The following KCNA4 variants were observed in gnomAD, a reference collection of about 807,000 sequenced individuals.
KCNA4 encodes cardiac potassium channel.
A neutral mutation model predicts 37.2 loss-of-function variants in KCNA4; 5 were observed. The ratio of observed to expected loss-of-function variants is 0.13; its 90% confidence interval spans 0.07 to 0.28. The LOEUF (loss-of-function observed/expected upper bound fraction) is 0.28. KCNA4 is among the 10% of genes least tolerant of loss of function. The probability of loss-of-function intolerance (pLI) is 1.00; values close to 1 mark genes in which losing one functional copy is unlikely to be tolerated. For synonymous variants in KCNA4, 350 were observed against 311.8 expected (o/e 1.12, Z -1.29); for missense variants, 634 against 817.4 (o/e 0.78, Z 2.74).
chr11:30,014,559 A>G (rs1395667539), intron 1 of KCNA4, among the ~76,000 whole-genome samples: 1 of 150,064 alleles, frequency 6.7e-6, no homozygotes, highest in East Asian at 2.0e-4. Context: ...CATCCCTAAC[A>G]TCCCCCCTCC....
rs779602554 is a variant in KCNA4 at position 30,011,660 on chromosome 11, A to G, written c.1019T>C (p.Met340Thr). 3.7e-6 allele frequency: 6 copies of G among 1,614,166 alleles called. No individual in the cohort carries two copies. In the Admixed American group the frequency reaches 6.7e-5, roughly 18 times the overall value. The change falls in exon 2 of 2, where the codon ATG (methionine) becomes ACG (threonine). Residue 340 changes from methionine to threonine, a missense_variant. Around this residue, in one of 8 missense-constraint regions of KCNA4, gnomAD observed 252 missense variants for 344.2 expected, o/e 0.73. Transcript: ENST00000328224. The surrounding 1 kb of genome is among the most constrained non-coding windows in gnomAD (Gnocchi z 5.6). ...ACCATGCCCGCCAGCACTCAGTGCC[A>G]TGACGAGATCCCTGTCGTCCCTAAA... ...PEFRDDRDLV[M>T]ALSAGGHGGL...
Position 30,012,680 on chromosome 11 carries a change from G to T in KCNA4, c.-2C>A, listed in dbSNP as rs187120792. On this transcript the variant is annotated 5_prime_UTR_variant, in exon 2 of 2. Transcript: ENST00000328224. ...CGCACTCACCATTGCAACCTCCATG[G>T]TGGTGGTTTTCGGAAATGGCTGGTT... 1.6e-5 allele frequency: 24 copies of T among 1,527,966 alleles called. No individual in the cohort carries two copies. In the African/African-American group the frequency reaches 3.3e-4, roughly 21 times the overall value. The allele number at this position is 1,527,966 out of a possible 1,614,324, so 94.7% of individuals were successfully genotyped here.
rs1054031682 is a variant in KCNA4 at position 30,013,011 on chromosome 11, G to A, written c.-333C>T. 2.6e-5 allele frequency: 6 copies of A among 227,778 alleles called. No individual in the cohort carries two copies. Among genetic ancestry groups the A allele is most frequent in the Admixed American group, 5.8e-5 (1 of 17,332 alleles). The allele number at this position is 227,778 out of a possible 1,614,324, so 14.1% of individuals were successfully genotyped here. On this transcript the variant is annotated 5_prime_UTR_variant, in exon 2 of 2. Transcript: ENST00000328224. ...ATGTTGAAATTTGGAAATATGTCTG[G>A]GATGTGGTTAGTGATGTTGCTGCAA...
intron 1 of KCNA4, among the ~76,000 whole-genome samples, chr11:30,013,966 T>A (rs1419180792): frequency 6.6e-6 from 1 of 152,218 alleles, no homozygotes; most frequent in Non-Finnish European, 1.5e-5. Flanking sequence ...TTCTTATTCT[T>A]TGTGCAGACA....
chr11:30,014,209 A>G (rs1486298826), intron 1 of KCNA4, among the ~76,000 whole-genome samples: 3 of 152,196 alleles, frequency 2.0e-5, no homozygotes, highest in Non-Finnish European at 4.4e-5. Flanking sequence ...TTAGGCCACA[A>G]ACTAAAGTAG....
Position 30,012,643 on chromosome 11 carries a change from C to A in KCNA4, c.36G>T (p.Gly12=), listed in dbSNP as rs1406770732. 1.9e-6 allele frequency: 3 copies of A among 1,587,456 alleles called. No homozygotes were observed. Among genetic ancestry groups the A allele is most frequent in the South Asian group, 2.2e-5 (2 of 88,998 alleles). The change falls in exon 2 of 2, where the codon GGG becomes GGT. Residue 12 remains glycine, a synonymous_variant. Coordinates refer to ENST00000328224, the MANE Select transcript of KCNA4 (RefSeq NM_002233.4). The part of the protein sequence containing the change: ...EVAMVSAESS[G]CNSHMPYGYA... Reference sequence around the variant, plus strand: ...AACCATAAGGCATGTGACTGTTGCACCCTGAGCTCTCCGCACTCACCATTG... The same window carrying A: ...AACCATAAGGCATGTGACTGTTGCAACCTGAGCTCTCCGCACTCACCATTG...
At chr11:30,015,866 T>C (rs1029789425) in intron 1 of KCNA4, among the ~76,000 whole-genome samples, 16 of 152,080 alleles carry the variant, frequency 1.1e-4, no homozygotes, top group Non-Finnish European at 1.9e-4. Context: ...AGACTACCTA[T>C]TCCCCAATCC....
Position 30,012,670 on chromosome 11 carries a change from A to C in KCNA4, c.9T>G (p.Val3=). 6.5e-7 allele frequency: 1 copy of C among 1,545,484 alleles called. No homozygotes were observed. Among genetic ancestry groups the C allele is most frequent in the Non-Finnish European group, 8.7e-7 (1 of 1,144,056 alleles). Residue 3 remains valine (V), a synonymous_variant, in exon 2 of 2, where the codon GTT becomes GTG. Coordinates refer to ENST00000328224, the MANE Select transcript of KCNA4 (RefSeq NM_002233.4). ME[V]AMVSAESSGC... ...CTGAGCTCTCCGCACTCACCATTGCAACCTCCATGGTGGTGGTTTTCGGAA... is the reference window on the plus strand; with the variant it reads ...CTGAGCTCTCCGCACTCACCATTGCCACCTCCATGGTGGTGGTTTTCGGAA...
At position 30,012,159 on chromosome 11, in the gene KCNA4, AGTCACT is replaced by A; in HGVS notation, c.514_519del (p.Ser172_Asp173del). The A allele has an allele frequency of 6.2e-7, 1 of 1,614,234 alleles. No individual in the cohort carries two copies. Among genetic ancestry groups the A allele is most frequent in the Non-Finnish European group, 8.5e-7 (1 of 1,180,042 alleles). ...ACATTTATCACCACACGTTCACAAC[AGTCACT>A]GTAGCGGACTGAACTGTAGCCGCCA... On this transcript the variant is annotated inframe_deletion, in exon 2 of 2. Transcript: ENST00000328224.
chr11:30,011,651 C>G lies in KCNA4; in HGVS notation c.1028G>C (p.Ser343Thr). The G allele has an allele frequency of 6.2e-7, 1 of 1,614,108 alleles. No individual in the cohort carries two copies. The highest frequency in any genetic ancestry group is 1.6e-4 in the Middle Eastern group (1 of 6,062). ...CAACAACCCACCATGCCCGCCAGCA[C>G]TCAGTGCCATGACGAGATCCCTGTC... ...RDDRDLVMAL[S>T]AGGHGGLLND... Residue 343 changes from serine (S) to threonine (T), a missense_variant, in exon 2 of 2, where the codon AGT becomes ACT. This residue lies in a region of KCNA4 where 252 missense variants were observed against 344.2 expected (regional missense o/e 0.73). Coordinates refer to ENST00000328224, the MANE Select transcript of KCNA4 (RefSeq NM_002233.4). The surrounding 1 kb of genome is among the most constrained non-coding windows in gnomAD (Gnocchi z 5.6).
At chr11:30,015,692 T>C (rs1183464455) in intron 1 of KCNA4, among the ~76,000 whole-genome samples, 5 of 151,982 alleles carry the variant, frequency 3.3e-5, no homozygotes, top group Non-Finnish European at 7.4e-5. Context: ...AAAAGAAAAA[T>C]CATTCCTCCC....
intron 1 of KCNA4, among the ~76,000 whole-genome samples, chr11:30,016,121 A>C (rs1482189955): frequency 1.3e-5 from 2 of 152,086 alleles, no homozygotes; most frequent in Non-Finnish European, 2.9e-5. Context: ...TGTTGCTCAA[A>C]TGCTCGGAAA....
chr11:30,012,492 G>T lies in KCNA4; in HGVS notation c.187C>A (p.His63Asn). Reference sequence around the variant, plus strand: ...CAGGCCCCGCGTGACTGGTGGTGGTGGTGGGAGCCCCCACCAGAACCCCCG... The same window carrying T: ...CAGGCCCCGCGTGACTGGTGGTGGTTGTGGGAGCCCCCACCAGAACCCCCG... ...GSGGSGGGSH[H>N]HHQSRGACTS... Residue 63 changes from histidine (H) to asparagine (N), a missense_variant, in exon 2 of 2, where the codon CAC (histidine) becomes AAC (asparagine). His to Asn is a moderately conservative substitution (Grantham distance 68). Coordinates refer to ENST00000328224, the MANE Select transcript of KCNA4 (RefSeq NM_002233.4). 1 of 1,610,654 alleles carries T rather than the reference G, an allele frequency of 6.2e-7. No individual in the cohort carries two copies.
At position 30,010,208 on chromosome 11, in the gene KCNA4, C is replaced by CT. The variant is rs1564935328; in HGVS notation, c.*508dup. The CT allele has an allele frequency of 6.5e-6, 1 of 152,746 alleles. No individual in the cohort carries two copies. The highest frequency in any genetic ancestry group is 1.5e-5 in the Non-Finnish European group (1 of 68,314). 9.5% of individuals were successfully genotyped at this position (152,746 alleles called of 1,614,324 possible). ...TATAGTCTATTAAATAATTTACTTT[C>CT]TTTTTTCTCTACACAGTATTTCTTA... On this transcript the variant is annotated 3_prime_UTR_variant, in exon 2 of 2. Transcript: ENST00000328224.
At position 30,011,659 on chromosome 11, in the gene KCNA4, C is replaced by A; in HGVS notation, c.1020G>T (p.Met340Ile). ...CACCATGCCCGCCAGCACTCAGTGCCATGACGAGATCCCTGTCGTCCCTAA... is the reference window on the plus strand; with the variant it reads ...CACCATGCCCGCCAGCACTCAGTGCAATGACGAGATCCCTGTCGTCCCTAA... ...PEFRDDRDLV[M>I]ALSAGGHGGL... The change falls in exon 2 of 2, where the codon ATG becomes ATT. Residue 340 changes from methionine to isoleucine, a missense_variant. By Grantham distance (10) the Met-to-Ile change is conservative. Coordinates refer to ENST00000328224, the MANE Select transcript of KCNA4 (RefSeq NM_002233.4). The surrounding 1 kb of genome is among the most constrained non-coding windows in gnomAD (Gnocchi z 5.6). 6.2e-7 allele frequency: 1 copy of A among 1,614,042 alleles called. No homozygotes were observed. The highest frequency in any genetic ancestry group is 1.7e-5 in the Admixed American group (1 of 60,014).
At chr11:30,014,084 G>A (rs1010697346) in intron 1 of KCNA4, among the ~76,000 whole-genome samples, 8 of 152,158 alleles carry the variant, frequency 5.3e-5, no homozygotes, top group Non-Finnish European at 1.2e-4. Context: ...GATGTTGATA[G>A]AATATCTCAG....
chr11:30,012,014 T>A lies in KCNA4; in HGVS notation c.665A>T (p.Asp222Val). ...GGCATCAAAGCTGGGGCGGTTCCTGTCAAAAAAATACTCATTGCGCAAAGG... is the reference window on the plus strand; with the variant it reads ...GGCATCAAAGCTGGGGCGGTTCCTGACAAAAAAATACTCATTGCGCAAAGG... ...FDPLRNEYFF[D>V]RNRPSFDAIL... Residue 222 changes from aspartate (D) to valine (V), a missense_variant, in exon 2 of 2, where the codon GAC becomes GTC. This residue lies in a region of KCNA4 where 252 missense variants were observed against 344.2 expected (regional missense o/e 0.73). Coordinates refer to ENST00000328224, the MANE Select transcript of KCNA4 (RefSeq NM_002233.4). 6.2e-7 allele frequency: 1 copy of A among 1,614,062 alleles called. No individual in the cohort carries two copies. Among genetic ancestry groups the A allele is most frequent in the Non-Finnish European group, 8.5e-7 (1 of 1,180,006 alleles).
Position 30,016,573 on chromosome 11 carries a change from G to T in KCNA4, c.-784C>A, listed in dbSNP as rs867035372. The T allele has an allele frequency of 8.4e-4, 121 of 143,226 alleles. 1 individual carries two copies. The highest frequency in any genetic ancestry group is 3.0e-3 in the African/African-American group (113 of 37,130). The allele number at this position is 143,226 out of a possible 1,614,324, so 8.9% of individuals were successfully genotyped here. The stretch of plus-strand genomic sequence containing the variant: ...AAAAAAAAAAGGTATCATACTTACC[G>T]TTCCCCGGCGGGGCGAAAAATAAAA... On this transcript the variant is annotated splice_region_variant and 5_prime_UTR_variant, in exon 1 of 2. Transcript: ENST00000328224.
At chr11:30,015,317 G>A (rs937379607) in intron 1 of KCNA4, among the ~76,000 whole-genome samples, 8 of 152,120 alleles carry the variant, frequency 5.3e-5, no homozygotes, top group African/African-American at 1.9e-4. Context: ...TAGCCTGAGA[G>A]TTTGCTCAGT....
Sources: gnomAD v4.1 joint callset for allele counts (sites outside exome capture counted in the v4.1 genomes callset) on GRCh38, gnomAD v4.1.1 for gene constraint, gnomAD v4.1.1 regional missense constraint, Gnocchi (gnomAD v3.1) non-coding constraint, MANE v1.5 for transcripts, NCBI Gene and HGNC (gene_info 2026-07-23, HGNC 2026-07-21) for gene names.